Variants in HECW1 observed in about 807,000 individuals in gnomAD.
HECW1 encodes the protein E3 ubiquitin-protein ligase HECW1.
Under a neutral mutation model 182.3 loss-of-function variants are expected in HECW1, and 61 were observed. The ratio of observed to expected loss-of-function variants is 0.33; its 90% confidence interval spans 0.27 to 0.41. HECW1 has a LOEUF of 0.41. Ranked by LOEUF, HECW1 falls within the 10% of genes least tolerant of loss-of-function variation. The pLI is 1.00. For missense variants in HECW1, 1,739 were observed against 2,108.9 expected, an observed-to-expected ratio of 0.82 and a Z score of 3.44; for synonymous variants, 859 against 832.6, an observed-to-expected ratio of 1.03 and a Z score of -0.55.
chr7:43,532,953 G>A (rs2081051138), intron 24 of HECW1, among the ~76,000 whole-genome samples: 2 of 152,206 alleles, frequency 1.3e-5, no homozygotes, highest in Admixed American at 1.3e-4. Flanking sequence ...AAGTTTTCAA[G>A]AAAGGCAAGT....
intron 2 of HECW1, among the ~76,000 whole-genome samples, chr7:43,186,027 A>G (rs1793364035): frequency 6.6e-6 from 1 of 152,144 alleles, no homozygotes; most frequent in South Asian, 2.1e-4. Flanking sequence ...ATGGGCCTAT[A>G]CTACTCAGTA....
At chr7:43,282,262 G>A (rs962046259) in intron 3 of HECW1, among the ~76,000 whole-genome samples, 1 of 152,236 alleles carries the variant, frequency 6.6e-6, no homozygotes, top group African/African-American at 2.4e-5. Context: ...AACAGAGCAG[G>A]AGGAAAGGCA....
At chr7:43,194,979 C>T (rs990513124) in intron 2 of HECW1, among the ~76,000 whole-genome samples, 2 of 152,162 alleles carry the variant, frequency 1.3e-5, no homozygotes, top group Admixed American at 1.3e-4. Context: ...CAGGCATGAG[C>T]GCCCGCTACC....
intron 3 of HECW1, among the ~76,000 whole-genome samples, chr7:43,268,167 G>A (rs1801995215): frequency 6.6e-6 from 1 of 152,180 alleles, no homozygotes; most frequent in Non-Finnish European, 1.5e-5. Context: ...TGTGTGCAGA[G>A]TCTCTGCCCT....
intron 6 of HECW1, among the ~76,000 whole-genome samples, chr7:43,371,973 C>G (rs547291720): frequency 1.3e-5 from 2 of 152,244 alleles, no homozygotes; most frequent in Middle Eastern, 6.8e-3. Flanking sequence ...GTGCCCACCA[C>G]CACGCCCCGC....
At position 43,351,954 on chromosome 7, in the gene HECW1, C is replaced by T. The variant is rs893623980; in HGVS notation, c.461-8932C>T. On this transcript the variant is annotated intron_variant, in intron 5 of 29. Coordinates refer to ENST00000395891, the MANE Select transcript of HECW1 (RefSeq NM_015052.5). ...TATTATTCAGAGTCCCACCTTGAAT[C>T]GTAAGGGAATTACCAGAGCTTTCCT... Among the ~76,000 whole-genome samples the T allele has an allele frequency of 4.6e-5, 7 of 152,272 alleles. No homozygotes were observed. In the South Asian group the frequency reaches 1.0e-3, roughly 23 times the overall value.
At chr7:43,445,669 A>G in intron 11 of HECW1, 99 bp downstream of exon 11, 1 of 1,415,994 alleles carries the variant, frequency 7.1e-7, no homozygotes, top group Non-Finnish European at 9.4e-7. Flanking sequence ...ATCGGTGTCA[A>G]ACGGGGTTGC....
intron 8 of HECW1, among the ~76,000 whole-genome samples, chr7:43,435,106 C>T (rs2076669499): frequency 6.6e-6 from 1 of 151,144 alleles, no homozygotes; most frequent in South Asian, 2.1e-4. Flanking sequence ...CAAGCATTTC[C>T]CATCTTATTA....
intron 9 of HECW1, among the ~76,000 whole-genome samples, chr7:43,441,999 AT>A (rs1407310758): frequency 2.6e-5 from 4 of 152,188 alleles, no homozygotes; most frequent in African/African-American, 9.7e-5. Context: ...TGAATTTTGA[AT>A]TTTGATCTTT....
chr7:43,234,882 A>G (rs944855094), intron 2 of HECW1, among the ~76,000 whole-genome samples: 1 of 152,170 alleles, frequency 6.6e-6, no homozygotes, highest in Non-Finnish European at 1.5e-5. Flanking sequence ...CCCCCTCCAC[A>G]TGAGGCCCTG....
chr7:43,445,092 G>A lies in HECW1; in HGVS notation c.1920G>A (p.Leu640=). ...PGHSGGHFPS[L]ANGAAQDGDT... is the part of the protein sequence containing the mutation. Reference sequence around the variant, plus strand: ...ACTCCGGGGGCCACTTCCCCAGCCTGGCCAATGGCGCGGCCCAGGATGGCG... The same window carrying A: ...ACTCCGGGGGCCACTTCCCCAGCCTAGCCAATGGCGCGGCCCAGGATGGCG... Residue 640 remains leucine (L), a synonymous_variant, in exon 11 of 30, where the codon CTG becomes CTA. Transcript: ENST00000395891. 1 of 1,604,582 alleles carries A rather than the reference G, an allele frequency of 6.2e-7. No individual in the cohort carries two copies. The highest frequency in any genetic ancestry group is 8.5e-7 in the Non-Finnish European group (1 of 1,176,976).
In HECW1 at chr7:43,541,817, G is replaced by T. The variant is rs1050380851; in HGVS notation, c.4119-52G>T. On this transcript the variant is annotated intron_variant, in intron 25 of 29. Coordinates refer to ENST00000395891, the MANE Select transcript of HECW1 (RefSeq NM_015052.5). ...TGATATAACCACATTTTGAAGTGAGGTCTGGGCAGCCATTTGTTTGGTAAT... is the reference window on the plus strand; with the variant it reads ...TGATATAACCACATTTTGAAGTGAGTTCTGGGCAGCCATTTGTTTGGTAAT... 3.6e-6 allele frequency: 5 copies of T among 1,391,634 alleles called. No homozygotes were observed. The South Asian group carries it at 1.1e-4, about 29-fold the overall frequency. The allele number at this position is 1,391,634 out of a possible 1,614,324, so 86.2% of individuals were successfully genotyped here.
chr7:43,236,001 C>T (rs558277083), intron 2 of HECW1, among the ~76,000 whole-genome samples: 97 of 152,114 alleles, frequency 6.4e-4, no homozygotes, highest in African/African-American at 1.9e-3. Context: ...ACAGCCTGGG[C>T]GACATAGTGA....
At chr7:43,231,707 A>C (rs1797887855) in intron 2 of HECW1, among the ~76,000 whole-genome samples, 1 of 152,066 alleles carries the variant, frequency 6.6e-6, no homozygotes, top group African/African-American at 2.4e-5. Context: ...GGGCACACAA[A>C]ATGTATTCTG....
chr7:43,212,506 C>T (rs1489364990), intron 2 of HECW1, among the ~76,000 whole-genome samples: 1 of 152,148 alleles, frequency 6.6e-6, no homozygotes, highest in African/African-American at 2.4e-5. Context: ...ACATGAGACT[C>T]ATTTAACTGT....
chr7:43,547,799 G>A (rs1476807464), intron 26 of HECW1, among the ~76,000 whole-genome samples: 2 of 152,142 alleles, frequency 1.3e-5, no homozygotes, highest in South Asian at 2.1e-4. Context: ...CTGCTTCTTG[G>A]GAGTATTTCC....
rs2076572114 is a variant in HECW1, at chr7:43,432,178, C to T, written c.802-5825C>T. Among the ~76,000 whole-genome samples, 2 of 145,398 alleles carry T rather than the reference C, an allele frequency of 1.4e-5. No individual in the cohort carries two copies. Among genetic ancestry groups the T allele is most frequent in the Admixed American group, 7.0e-5 (1 of 14,206 alleles). ...TTTTTGAGACGGAGTCTCGCTCTGT[C>T]GCCCGGGCTGGAGTGCAGTGGCGGG... is the stretch of plus-strand genomic sequence containing the variant. On this transcript the variant is annotated intron_variant, in intron 8 of 29. Transcript: ENST00000395891. This position sits in a 1 kb window ranked among gnomAD's most constrained non-coding sequence, Gnocchi z 4.1.
At chr7:43,555,236 A>G (rs947468809) in intron 29 of HECW1, among the ~76,000 whole-genome samples, 1 of 152,208 alleles carries the variant, frequency 6.6e-6, no homozygotes, top group South Asian at 2.1e-4. Flanking sequence ...TTTCCTATCA[A>G]GTTTTAGAAC....
intron 17 of HECW1, among the ~76,000 whole-genome samples, chr7:43,480,684 CAT>C (rs33937309): frequency 0.17 from 24,452 of 146,590 alleles, 2,438 homozygotes; most frequent in South Asian, 0.23. Context: ...CATATATACG[CAT>C]ATATATATAT....
Sources: gnomAD v4.1 joint callset for allele counts (sites outside exome capture counted in the v4.1 genomes callset) on GRCh38, gnomAD v4.1.1 for gene constraint, Gnocchi (gnomAD v3.1) non-coding constraint, MANE v1.5 for transcripts, NCBI Gene and HGNC (gene_info 2026-07-23, HGNC 2026-07-21) for gene names.